POU2F3: variants seen among roughly 807,000 people sequenced by gnomAD.
POU2F3 encodes POU class 2 homeobox 3, also known as POU domain, class 2, transcription factor 3.
In POU2F3, 23 loss-of-function variants were observed where a neutral mutation model predicts 59.2. The ratio of observed to expected loss-of-function variants is 0.39; its 90% CI spans 0.28 to 0.55. The LOEUF (loss-of-function observed/expected upper bound fraction) is 0.55. POU2F3 is among the 20% of genes least tolerant of loss of function. POU2F3 has a pLI of 0.66. For missense variants in POU2F3, 473 were observed against 544.5 expected (o/e 0.87, Z 1.31); for synonymous variants, 190 against 214.6 (o/e 0.89, Z 1.00).
intron 6 of POU2F3, 134 bp from the exon 7 acceptor site, chr11:120,304,896 C>G: frequency 1.5e-6 from 1 of 663,468 alleles, no homozygotes; most frequent in Non-Finnish European, 2.4e-6. Context: ...TCCAATGTAC[C>G]CAGGGTGTAT....
chr11:120,304,942 TAAAAAAAAAAAAAAAA>T (rs11443197), intron 6 of POU2F3, 72 bp from the exon 7 acceptor site: 6,400 of 333,850 alleles, frequency 0.019, 3 homozygotes, highest in East Asian at 0.15. Context: ...GGCCTATTAG[TAAAAAAAAAAAAAAAA>T]AAAAAAAAAA....
chr11:120,310,871 G>A (rs566111529), intron 10 of POU2F3, among the ~76,000 whole-genome samples: 1 of 152,296 alleles, frequency 6.6e-6, no homozygotes, highest in South Asian at 2.1e-4. Context: ...CCTAGCAGAG[G>A]AGCAGGTAAA....
intron 2 of POU2F3, among the ~76,000 whole-genome samples, chr11:120,248,263 G>T (rs1938951158): frequency 6.6e-6 from 1 of 152,332 alleles, no homozygotes; most frequent in South Asian, 2.1e-4. Flanking sequence ...AGGAACGGAT[G>T]AGCTTTGAAG....
intron 3 of POU2F3, among the ~76,000 whole-genome samples, chr11:120,293,905 A>T (rs1191335428): frequency 2.0e-5 from 3 of 152,210 alleles, no homozygotes; most frequent in Non-Finnish European, 4.4e-5. Context: ...ATAAAGCACC[A>T]GAGGAGGGTC....
intron 5 of POU2F3, 46 bp downstream of exon 5, chr11:120,299,772 C>A: frequency 6.6e-7 from 1 of 1,504,980 alleles, no homozygotes; most frequent in Non-Finnish European, 9.1e-7. Flanking sequence ...CAGTCAAGTG[C>A]TGCTGTTGCT....
Position 120,267,950 on chromosome 11 carries a change from C to T in POU2F3, c.98-1260C>T, listed in dbSNP as rs528082727. On this transcript the variant is annotated intron_variant, in intron 2 of 12. Coordinates refer to ENST00000543440, the MANE Select transcript of POU2F3 (RefSeq NM_014352.4). ...AGGAAGGTTGTGCGGCAGCTCCAGTCCTGGAGAGCTATGTGAATAGGAAAA... is the reference window on the plus strand; with the variant it reads ...AGGAAGGTTGTGCGGCAGCTCCAGTTCTGGAGAGCTATGTGAATAGGAAAA... 6.6e-5 allele frequency among the ~76,000 whole-genome samples: 10 copies of T among 151,980 alleles called. No homozygotes were observed. In the South Asian group the frequency reaches 2.1e-3, roughly 32 times the overall value.
intron 2 of POU2F3, among the ~76,000 whole-genome samples, chr11:120,262,085 G>A (rs1939621669): frequency 6.6e-6 from 1 of 152,230 alleles, no homozygotes. Flanking sequence ...CCAGTATATG[G>A]GGAGGAAGGA....
chr11:120,246,650 G>T, intron 2 of POU2F3, 133 bp downstream of exon 2: 1 of 861,034 alleles, frequency 1.2e-6, no homozygotes, highest in East Asian at 2.6e-5. Context: ...TAGGAACTAA[G>T]GGAATTCCCT....
chr11:120,316,773 G>A (rs1941798714), intron 11 of POU2F3, among the ~76,000 whole-genome samples: 1 of 152,184 alleles, frequency 6.6e-6, no homozygotes, highest in South Asian at 2.1e-4. Context: ...TTTCTTTGTG[G>A]AGACTGGAGA....
intron 1 of POU2F3, among the ~76,000 whole-genome samples, chr11:120,241,081 C>A (rs1938643594): frequency 6.6e-6 from 1 of 152,220 alleles, no homozygotes; most frequent in Non-Finnish European, 1.5e-5. Context: ...GCTGTTCCTC[C>A]TTCCACAGCT....
intron 12 of POU2F3, among the ~76,000 whole-genome samples, chr11:120,318,131 G>A (rs191416730): frequency 4.1e-4 from 63 of 152,240 alleles, no homozygotes; most frequent in African/African-American, 1.4e-3. Flanking sequence ...AAATTGTTTC[G>A]AGGTATAATT....
At chr11:120,296,122 G>A (rs1421343683) in intron 3 of POU2F3, among the ~76,000 whole-genome samples, 1 of 152,168 alleles carries the variant, frequency 6.6e-6, no homozygotes, top group East Asian at 1.9e-4. Flanking sequence ...GTCCCATAGA[G>A]GCTGAGTCCC....
chr11:120,305,221 T>C lies in POU2F3; in HGVS notation c.627+9T>C. The C allele has an allele frequency of 6.2e-7, 1 of 1,610,838 alleles. No individual in the cohort carries two copies. The highest frequency in any genetic ancestry group is 8.5e-7 in the Non-Finnish European group (1 of 1,178,406). On this transcript the variant is annotated intron_variant, in intron 7 of 12. Transcript: ENST00000543440. The stretch of plus-strand genomic sequence containing the variant: ...AGCTGGGCTTCACACAGGTTTGGTT[T>C]TAGGGGAAAAGATAGAAGAAGTCTA...
chr11:120,318,429 T>C lies in POU2F3; in HGVS notation c.*37T>C, dbSNP rs376715195. On this transcript the variant is annotated 3_prime_UTR_variant, in exon 13 of 13. Coordinates refer to ENST00000543440, the MANE Select transcript of POU2F3 (RefSeq NM_014352.4). Reference sequence around the variant, plus strand: ...TTCTCCTACTCCAGCTGGCCCTGTATTCCCCCTGGAAGGAAGGGAATCATG... The same window carrying C: ...TTCTCCTACTCCAGCTGGCCCTGTACTCCCCCTGGAAGGAAGGGAATCATG... 6.5e-7 allele frequency: 1 copy of C among 1,540,504 alleles called. No individual in the cohort carries two copies. The highest frequency in any genetic ancestry group is 9.0e-7 in the Non-Finnish European group (1 of 1,113,128).
At chr11:120,287,024 A>G (rs1940808163) in intron 3 of POU2F3, among the ~76,000 whole-genome samples, 1 of 152,134 alleles carries the variant, frequency 6.6e-6, no homozygotes, top group South Asian at 2.1e-4. Context: ...AATCAACCCT[A>G]TCTCAGCCCA....
intron 3 of POU2F3, among the ~76,000 whole-genome samples, chr11:120,272,644 A>G (rs541696599): frequency 3.3e-5 from 5 of 152,348 alleles, no homozygotes; most frequent in African/African-American, 9.6e-5. Flanking sequence ...TTGCATGAGC[A>G]ACGAATGCTC....
chr11:120,312,511 T>C (rs1265638576), intron 10 of POU2F3, among the ~76,000 whole-genome samples: 9 of 152,166 alleles, frequency 5.9e-5, no homozygotes. Flanking sequence ...AGGATTAAAA[T>C]TAGAGGGGCT....
intron 3 of POU2F3, among the ~76,000 whole-genome samples, chr11:120,283,913 A>C (rs1940676908): frequency 1.3e-5 from 2 of 148,510 alleles, no homozygotes; most frequent in Admixed American, 1.4e-4. Context: ...TTACTGGTGC[A>C]TTCAGTAAGT....
chr11:120,261,516 C>T (rs538642933), intron 2 of POU2F3, among the ~76,000 whole-genome samples: 6 of 152,266 alleles, frequency 3.9e-5, no homozygotes, highest in East Asian at 1.9e-4. Context: ...CAGCTGTTGG[C>T]CCTTCCTACT....
Sources: gnomAD v4.1 joint callset for allele counts (sites outside exome capture counted in the v4.1 genomes callset) on GRCh38, gnomAD v4.1.1 for gene constraint, MANE v1.5 for transcripts, NCBI Gene and HGNC (gene_info 2026-07-23, HGNC 2026-07-21) for gene names.